Variants in MARCHF6 observed in about 807,000 individuals in gnomAD.
MARCHF6 encodes the protein membrane associated ring-CH-type finger 6.
A neutral mutation model predicts 133.7 loss-of-function variants in MARCHF6; 31 were observed. The observed-to-expected ratio is 0.23, with a 90% CI of 0.17 to 0.31. MARCHF6 has a LOEUF of 0.31. Ranked by LOEUF, MARCHF6 falls within the 10% of genes least tolerant of loss-of-function variation. The pLI is 1.00. For synonymous variants in MARCHF6, 395 were observed against 402.5 expected (o/e 0.98, Z 0.22); for missense variants, 723 against 1,121.6 (o/e 0.64, Z 5.08).
chr5:10,414,089 G>A (rs1218631022), intron 19 of MARCHF6, among the ~76,000 whole-genome samples: 1 of 152,058 alleles, frequency 6.6e-6, no homozygotes, highest in Non-Finnish European at 1.5e-5. Context: ...CATTTTAATT[G>A]GATAGCACTG....
intron 1 of MARCHF6, among the ~76,000 whole-genome samples, chr5:10,374,353 G>A (rs543786142): frequency 1.3e-5 from 2 of 152,136 alleles, no homozygotes; most frequent in Non-Finnish European, 2.9e-5. Context: ...TTAACGTGCT[G>A]CCGGGGTCCA....
At chr5:10,365,900 TTA>T (rs1736113173) in intron 1 of MARCHF6, among the ~76,000 whole-genome samples, 1 of 152,128 alleles carries the variant, frequency 6.6e-6, no homozygotes, top group Non-Finnish European at 1.5e-5. Context: ...TTTAAAAATG[TTA>T]TATCTCTTTC....
At chr5:10,418,026 G>A (rs1739617439) in intron 22 of MARCHF6, among the ~76,000 whole-genome samples, 1 of 152,006 alleles carries the variant, frequency 6.6e-6, no homozygotes, top group African/African-American at 2.4e-5. Context: ...TTGACTTGGA[G>A]GCTTTAATAC....
At chr5:10,417,600 G>T (rs149402914) in intron 22 of MARCHF6, 196 bp downstream of exon 22, 6 of 617,268 alleles carry the variant, frequency 9.7e-6, no homozygotes, top group East Asian at 3.0e-5. Flanking sequence ...TGGCTCATGC[G>T]TCTGGTCCCA....
intron 24 of MARCHF6, among the ~76,000 whole-genome samples, chr5:10,429,024 A>C (rs1348988360): frequency 6.6e-6 from 1 of 152,154 alleles, no homozygotes; most frequent in Admixed American, 6.6e-5. Context: ...AGGTTCATAG[A>C]GATTGAGAAT....
At chr5:10,416,035 A>T (rs983700090) in intron 21 of MARCHF6, among the ~76,000 whole-genome samples, 3 of 152,142 alleles carry the variant, frequency 2.0e-5, no homozygotes, top group Admixed American at 6.5e-5. Context: ...TATATAATAT[A>T]TTTTTACTGG....
chr5:10,424,855 A>G (rs957574733), intron 23 of MARCHF6, among the ~76,000 whole-genome samples: 7 of 152,180 alleles, frequency 4.6e-5, no homozygotes, highest in African/African-American at 7.2e-5. Flanking sequence ...AGATAATTTG[A>G]TTGTTGTGGG....
chr5:10,420,069 C>T (rs145584349), intron 22 of MARCHF6, among the ~76,000 whole-genome samples: 1 of 151,718 alleles, frequency 6.6e-6, no homozygotes, highest in Non-Finnish European at 1.5e-5. Flanking sequence ...GGTTGCTACC[C>T]ATCTGGGGCT....
intron 1 of MARCHF6, among the ~76,000 whole-genome samples, chr5:10,361,305 G>A (rs891694281): frequency 1.3e-5 from 2 of 152,216 alleles, no homozygotes; most frequent in South Asian, 2.1e-4. Flanking sequence ...GTTTGCAGGG[G>A]CTGCTGTAAC....
chr5:10,419,512 G>GT (rs1739716309), intron 22 of MARCHF6, among the ~76,000 whole-genome samples: 1 of 151,918 alleles, frequency 6.6e-6, no homozygotes, highest in African/African-American at 2.4e-5. Context: ...TAACATCATT[G>GT]TAAGTTGAGG....
intron 4 of MARCHF6, among the ~76,000 whole-genome samples, chr5:10,383,771 AT>A (rs1389767334): frequency 1.3e-5 from 2 of 152,234 alleles, no homozygotes; most frequent in African/African-American, 4.8e-5. Flanking sequence ...CTAAGTCTCA[AT>A]TGTTAATCTG....
At chr5:10,380,519 C>G (rs1737071396) in intron 3 of MARCHF6, among the ~76,000 whole-genome samples, 1 of 152,186 alleles carries the variant, frequency 6.6e-6, no homozygotes. Flanking sequence ...GTTACATTCT[C>G]TATTTCTTTT....
intron 19 of MARCHF6, 82 bp downstream of exon 19, chr5:10,411,619 A>G (rs2126788642): frequency 4.6e-6 from 5 of 1,088,082 alleles, no homozygotes; most frequent in Non-Finnish European, 6.6e-6. Context: ...AATTGGTGCT[A>G]TTAGTATGCA....
At chr5:10,384,491 A>T (rs1382581008) in intron 4 of MARCHF6, among the ~76,000 whole-genome samples, 1 of 152,238 alleles carries the variant, frequency 6.6e-6, no homozygotes, top group Non-Finnish European at 1.5e-5. Context: ...AAATAGCTAA[A>T]TATACTAAGC....
At chr5:10,393,586 C>G (rs932415970) in intron 7 of MARCHF6, among the ~76,000 whole-genome samples, 4 of 152,186 alleles carry the variant, frequency 2.6e-5, no homozygotes, top group African/African-American at 9.7e-5. Context: ...CCTAACTATT[C>G]TTTCTCCTTC....
chr5:10,382,360 T>C (rs1204804096), intron 4 of MARCHF6, among the ~76,000 whole-genome samples: 1 of 146,382 alleles, frequency 6.8e-6, no homozygotes, highest in African/African-American at 2.6e-5. Flanking sequence ...CTGGCCAACA[T>C]GGAGACTGAG....
rs1283832389 is a variant in MARCHF6, at chr5:10,434,856, G to A, written c.*1172G>A. 6.6e-6 allele frequency: 1 copy of A among 152,606 alleles called. No homozygotes were observed. The highest frequency in any genetic ancestry group is 1.9e-4 in the East Asian group (1 of 5,194). The allele number at this position is 152,606 out of a possible 1,614,324, so 9.5% of individuals were successfully genotyped here. A position where few individuals can be genotyped will look rare whatever the true frequency, so the allele number is the denominator to read the frequency against. On this transcript the variant is annotated 3_prime_UTR_variant, in exon 26 of 26. Coordinates refer to ENST00000274140, the MANE Select transcript of MARCHF6 (RefSeq NM_005885.4). Reference sequence around the variant, plus strand: ...TCATTATTTGTCCAGAAGGAAGCTTGGCTGAGCTGGCCTTTTAACATAGGA... The same window carrying A: ...TCATTATTTGTCCAGAAGGAAGCTTAGCTGAGCTGGCCTTTTAACATAGGA...
chr5:10,378,872 ATCAC>A, intron 3 of MARCHF6, 40 bp downstream of exon 3: 1 of 1,383,080 alleles, frequency 7.2e-7, no homozygotes, highest in South Asian at 1.2e-5. Flanking sequence ...TTTTTTGGTT[ATCAC>A]TCGTGGCATA....
chr5:10,395,582 C>T (rs1738145099), intron 9 of MARCHF6, among the ~76,000 whole-genome samples: 1 of 152,092 alleles, frequency 6.6e-6, no homozygotes, highest in Admixed American at 6.5e-5. Context: ...TTTTCAGGTC[C>T]TGTAATATGA....
Sources: gnomAD v4.1 joint callset for allele counts (sites outside exome capture counted in the v4.1 genomes callset) on GRCh38, gnomAD v4.1.1 for gene constraint, MANE v1.5 for transcripts, NCBI Gene and HGNC (gene_info 2026-07-23, HGNC 2026-07-21) for gene names.